Variants in CRADD observed in about 807,000 individuals in gnomAD.
CRADD encodes the protein death domain-containing protein CRADD.
CRADD carries 9 observed loss-of-function variants against 15.5 expected under a neutral mutation model. The observed-to-expected ratio is 0.58, with a 90% CI of 0.35 to 1.01. CRADD has a LOEUF of 1.01. Ranked by LOEUF, CRADD falls within the 50% of genes least tolerant of loss-of-function variation. CRADD has a pLI of 0.02. For missense variants in CRADD, 227 were observed against 250.3 expected (o/e 0.91, Z 0.63); for synonymous variants, 118 against 107.6 (o/e 1.10, Z -0.60).
At chr12:93,725,283 A>T (rs1344761757) in intron 2 of CRADD, among the ~76,000 whole-genome samples, 1 of 152,212 alleles carries the variant, frequency 6.6e-6, no homozygotes, top group East Asian at 1.9e-4. Flanking sequence ...TGTCTTAAGA[A>T]TAAAGCAATT....
rs186826837 is a variant in CRADD at position 93,891,656 on chromosome 12, C to T, written c.299-2394C>T. On this transcript the variant is annotated intron_variant, in intron 2 of 2. Transcript: ENST00000548483. Reference sequence around the variant, plus strand: ...TGCAGACCACACTAGGTGCTATGCACGTATTACTTCATGGTCAATCTATTA... The same window carrying T: ...TGCAGACCACACTAGGTGCTATGCATGTATTACTTCATGGTCAATCTATTA... Among the ~76,000 whole-genome samples the T allele has an allele frequency of 9.5e-4, 145 of 152,232 alleles. 1 individual carries two copies. Among genetic ancestry groups the T allele is most frequent in the African/African-American group, 3.2e-3 (132 of 41,538 alleles).
chr12:93,697,595 A>G (rs1175953512), intron 2 of CRADD, among the ~76,000 whole-genome samples: 1 of 111,772 alleles, frequency 8.9e-6, no homozygotes, highest in African/African-American at 6.6e-5. Flanking sequence ...AGTTAAAATA[A>G]TAAGTTAAAT....
At chr12:93,755,018 T>C (rs1304881723) in intron 2 of CRADD, among the ~76,000 whole-genome samples, 1 of 151,108 alleles carries the variant, frequency 6.6e-6, no homozygotes, top group African/African-American at 2.4e-5. Flanking sequence ...TGGGGAGGCC[T>C]TACAATCATG....
intron 2 of CRADD, among the ~76,000 whole-genome samples, chr12:93,732,310 G>A (rs1350276620): frequency 5.3e-5 from 8 of 152,074 alleles, no homozygotes; most frequent in East Asian, 1.9e-4. Context: ...AGATTTGGGC[G>A]CAGAGTTATG....
At chr12:93,785,918 A>G (rs941617182) in intron 2 of CRADD, among the ~76,000 whole-genome samples, 3 of 152,186 alleles carry the variant, frequency 2.0e-5, no homozygotes, top group Non-Finnish European at 2.9e-5. Context: ...TACTTCATCA[A>G]AATGGTATGA....
chr12:93,720,980 T>C (rs1407183401), intron 2 of CRADD, among the ~76,000 whole-genome samples: 1 of 152,228 alleles, frequency 6.6e-6, no homozygotes, highest in Non-Finnish European at 1.5e-5. Flanking sequence ...TTGCCCTTGT[T>C]TTTTGTTTCT....
At chr12:93,711,792 G>C (rs112167887) in intron 2 of CRADD, among the ~76,000 whole-genome samples, 2 of 146,156 alleles carry the variant, frequency 1.4e-5, no homozygotes, top group African/African-American at 5.1e-5. Context: ...GTCTCACTCT[G>C]TCCCCCAGGT....
intron 2 of CRADD, among the ~76,000 whole-genome samples, chr12:93,772,599 A>C (rs887635997): frequency 6.6e-5 from 10 of 152,320 alleles, no homozygotes; most frequent in Admixed American, 5.9e-4. Context: ...TTTAAATATC[A>C]CTCTTAATGA....
intron 2 of CRADD, among the ~76,000 whole-genome samples, chr12:93,750,685 A>G (rs1007934213): frequency 1.3e-5 from 2 of 152,172 alleles, no homozygotes; most frequent in African/African-American, 2.4e-5. Flanking sequence ...TGTCTTTGCC[A>G]TGCTCACTAT....
In CRADD at chr12:93,731,066, T is replaced by C. The variant is rs1280299729; in HGVS notation, c.298+51994T>C. ...AAAAATAAAATAAAACAAAGCATGT[T>C]GCAAAACAGTTTTGTGGTGCAACTT... On this transcript the variant is annotated intron_variant, in intron 2 of 2. Coordinates refer to ENST00000332896, the MANE Select transcript of CRADD (RefSeq NM_003805.5). 3.9e-5 allele frequency among the ~76,000 whole-genome samples: 6 copies of C among 152,250 alleles called. No homozygotes were observed. The East Asian group carries it at 7.7e-4, about 20-fold the overall frequency.
At chr12:93,886,199 C>A in intron 2 of CRADD, among the ~76,000 whole-genome samples, 1 of 134,492 alleles carries the variant, frequency 7.4e-6, no homozygotes, top group African/African-American at 2.9e-5. Flanking sequence ...GAATCTTGCT[C>A]TGTCACCCAG....
At chr12:93,699,581 C>T (rs186916196) in intron 2 of CRADD, among the ~76,000 whole-genome samples, 3 of 152,304 alleles carry the variant, frequency 2.0e-5, no homozygotes, top group East Asian at 1.9e-4. Context: ...TTACATCCCC[C>T]CACCTTGTCT....
chr12:93,832,648 T>C (rs763159606), intron 2 of CRADD, among the ~76,000 whole-genome samples: 4 of 152,232 alleles, frequency 2.6e-5, no homozygotes, highest in Non-Finnish European at 5.9e-5. Flanking sequence ...ATTTATATAT[T>C]TGATATTGAA....
chr12:93,850,387 T>G lies in CRADD; in HGVS notation c.*116T>G. ...GTTTGTTTTTTATTTTTGATGATCT[T>G]CAGATGGAAGGAGAAAACAGGGTTT... On this transcript the variant is annotated 3_prime_UTR_variant, in exon 3 of 3. Coordinates refer to ENST00000332896, the MANE Select transcript of CRADD (RefSeq NM_003805.5). This position sits in a 1 kb window ranked among gnomAD's most constrained non-coding sequence, Gnocchi z 4.0. 7.1e-7 allele frequency: 1 copy of G among 1,413,782 alleles called. No individual in the cohort carries two copies. Among genetic ancestry groups the G allele is most frequent in the South Asian group, 1.7e-5 (1 of 58,498 alleles). 87.6% of individuals were successfully genotyped at this position (1,413,782 alleles called of 1,614,324 possible). A position where few individuals can be genotyped will look rare whatever the true frequency, so the allele number is the denominator to read the frequency against.
intron 2 of CRADD, among the ~76,000 whole-genome samples, chr12:93,680,652 TG>T (rs1251100316): frequency 6.6e-6 from 1 of 152,218 alleles, no homozygotes; most frequent in Non-Finnish European, 1.5e-5. Context: ...TGTATCTAGA[TG>T]TTTTTATGAC....
intron 2 of CRADD, among the ~76,000 whole-genome samples, chr12:93,874,181 A>G (rs538582175): frequency 1.3e-5 from 2 of 151,700 alleles, no homozygotes; most frequent in South Asian, 4.2e-4. Context: ...GGTAGGTTGT[A>G]TTTTTCTAGG....
At chr12:93,835,113 C>T (rs921902189) in intron 2 of CRADD, among the ~76,000 whole-genome samples, 3 of 152,140 alleles carry the variant, frequency 2.0e-5, no homozygotes, top group Admixed American at 1.3e-4. Flanking sequence ...ATTGCACTGA[C>T]TAGATTGTCA....
chr12:93,738,304 A>G (rs1347485695), intron 2 of CRADD: 2 of 695,924 alleles, frequency 2.9e-6, no homozygotes, highest in South Asian at 3.0e-5. Flanking sequence ...AAGGAGGCCC[A>G]TGAGACCTCA....
chr12:93,760,490 C>A (rs759199762), intron 2 of CRADD, among the ~76,000 whole-genome samples: 7 of 152,040 alleles, frequency 4.6e-5, no homozygotes, highest in African/African-American at 1.7e-4. Flanking sequence ...TAGCAGTGTC[C>A]GTTTTCTGTT....
Sources: gnomAD v4.1 joint callset for allele counts (sites outside exome capture counted in the v4.1 genomes callset) on GRCh38, gnomAD v4.1.1 for gene constraint, Gnocchi (gnomAD v3.1) non-coding constraint, MANE v1.5 for transcripts, NCBI Gene and HGNC (gene_info 2026-07-23, HGNC 2026-07-21) for gene names.